Variants in PCDH15 observed in about 807,000 individuals in gnomAD.
The protein encoded by PCDH15 is protocadherin-15.
Under a neutral mutation model 178.5 loss-of-function variants are expected in PCDH15, and 129 were observed. The ratio of observed to expected loss-of-function variants is 0.72; its 90% CI spans 0.63 to 0.84. The LOEUF is 0.84. Among genes scored for constraint, PCDH15 ranks in the 40% least tolerant of loss-of-function variants. PCDH15 has a pLI of 0.00. For missense variants in PCDH15, 2,230 were observed against 2,099.9 expected (o/e 1.06, Z -1.21); for synonymous variants, 800 against 732.0 (o/e 1.09, Z -1.50).
At chr10:53,828,537 G>A (rs765361397) in intron 31 of PCDH15, 28 bp downstream of exon 31, 3 of 1,533,692 alleles carry the variant, frequency 2.0e-6, no homozygotes, top group Non-Finnish European at 2.7e-6. Context: ...TACATGAAAA[G>A]GATGTGTAAA....
chr10:54,553,073 C>A (rs1033293726), intron 2 of PCDH15, among the ~76,000 whole-genome samples: 2 of 152,132 alleles, frequency 1.3e-5, no homozygotes, highest in African/African-American at 4.8e-5. Context: ...GACCAGACTC[C>A]AAAGCTCCAT....
chr10:55,310,557 G>A (rs1437109764), intron 1 of PCDH15, among the ~76,000 whole-genome samples: 2 of 152,078 alleles, frequency 1.3e-5, no homozygotes, highest in South Asian at 2.1e-4. Flanking sequence ...AACACATACA[G>A]CATGTGTTAA....
chr10:54,818,880 C>T (rs949710121), intron 3 of PCDH15, among the ~76,000 whole-genome samples: 1 of 151,814 alleles, frequency 6.6e-6, no homozygotes, highest in African/African-American at 2.4e-5. Flanking sequence ...AATGAGGCAC[C>T]GATTTTTCTT....
chr10:54,237,794 T>C (rs968358823), intron 8 of PCDH15, among the ~76,000 whole-genome samples: 4 of 151,912 alleles, frequency 2.6e-5, no homozygotes, highest in Non-Finnish European at 5.9e-5. Flanking sequence ...AATAGGTATG[T>C]TGAAAAATAA....
rs188003241 is a variant in PCDH15, at chr10:54,754,098, G to A, written c.-29+46827C>T. On this transcript the variant is annotated intron_variant, in intron 1 of 37. Coordinates refer to ENST00000644397, the MANE Select transcript of PCDH15 (RefSeq NM_001384140.1). ...CCGTCTCATCCTCCCAAAGTGCTGG[G>A]ATTACAGGCGTGAGCCACCGCGCCC... Among the ~76,000 whole-genome samples the A allele has an allele frequency of 5.2e-3, 789 of 152,024 alleles. 3 individuals carry two copies. The highest frequency in any genetic ancestry group is 0.01 in the Middle Eastern group (3 of 294).
rs186137515 is a variant in PCDH15, at chr10:54,765,340, C to T, written c.-29+35585G>A. On this transcript the variant is annotated intron_variant, in intron 1 of 37. Transcript: ENST00000644397. ...TTGGGAAAATGGAATAAATTACATGCGCTATAATTCTCAAACCTGTTTAGT... is the reference window on the plus strand; with the variant it reads ...TTGGGAAAATGGAATAAATTACATGTGCTATAATTCTCAAACCTGTTTAGT... 2.2e-4 allele frequency among the ~76,000 whole-genome samples: 34 copies of T among 152,056 alleles called. No homozygotes were observed. The East Asian group carries it at 5.8e-3, about 26-fold the overall frequency.
chr10:54,971,175 T>C (rs950167626), intron 2 of PCDH15, among the ~76,000 whole-genome samples: 2 of 152,118 alleles, frequency 1.3e-5, no homozygotes, highest in Non-Finnish European at 2.9e-5. Context: ...AGTTTTAATG[T>C]TTGTGTCCCC....
rs573426735 is a variant in PCDH15 at position 54,046,238 on chromosome 10, G to C, written c.2220+20519C>G. Among the ~76,000 whole-genome samples, 4 of 152,262 alleles carry C rather than the reference G, an allele frequency of 2.6e-5. No homozygotes were observed. The East Asian group carries it at 7.7e-4, about 29-fold the overall frequency. ...ACTCTCATATACAACTCTTGGCATAGTTACTATGGAAAACAATTTCGCATT... is the reference window on the plus strand; with the variant it reads ...ACTCTCATATACAACTCTTGGCATACTTACTATGGAAAACAATTTCGCATT... On this transcript the variant is annotated intron_variant, in intron 18 of 37. Coordinates refer to ENST00000644397, the MANE Select transcript of PCDH15 (RefSeq NM_001384140.1).
chr10:54,907,395 A>T (rs887528205), intron 2 of PCDH15, among the ~76,000 whole-genome samples: 2 of 152,130 alleles, frequency 1.3e-5, no homozygotes, highest in South Asian at 4.1e-4. Context: ...ATACACTATA[A>T]ATCCCCCCTG....
intron 21 of PCDH15, among the ~76,000 whole-genome samples, chr10:53,967,445 A>G (rs992092991): frequency 2.6e-5 from 4 of 152,112 alleles, no homozygotes; most frequent in African/African-American, 9.7e-5. Flanking sequence ...ATTATTTTTA[A>G]TTATTTGTAG....
At chr10:53,847,332 G>A (rs1041664508) in intron 28 of PCDH15, among the ~76,000 whole-genome samples, 2 of 151,990 alleles carry the variant, frequency 1.3e-5, no homozygotes, top group Admixed American at 1.3e-4. Context: ...CACCCCAAGT[G>A]CTTATCAATA....
intron 3 of PCDH15, among the ~76,000 whole-genome samples, chr10:54,891,778 G>C (rs1954466370): frequency 6.6e-6 from 1 of 152,112 alleles, no homozygotes; most frequent in Non-Finnish European, 1.5e-5. Context: ...GGTATTTGTA[G>C]CAAGGACAGG....
chr10:54,036,013 A>G (rs1911394), intron 18 of PCDH15, among the ~76,000 whole-genome samples: 91,252 of 151,686 alleles, frequency 0.6, 30,028 homozygotes, highest in Middle Eastern at 0.76. Context: ...CTGGAGCAAG[A>G]CCTTAACTCT....
chr10:54,421,826 A>ATATATATACACACACAC (rs1565230685), intron 3 of PCDH15, among the ~76,000 whole-genome samples: 38 of 79,742 alleles, frequency 4.8e-4, no homozygotes, highest in African/African-American at 8.4e-4. Context: ...GTATATATAT[A>ATATATATACACACACAC]TATATATATA....
intron 2 of PCDH15, among the ~76,000 whole-genome samples, chr10:55,400,766 A>T (rs1838043019): frequency 6.6e-6 from 1 of 152,044 alleles, no homozygotes; most frequent in African/African-American, 2.4e-5. Flanking sequence ...TCTTTCATTT[A>T]GTCTTTCATA....
At chr10:53,984,515 A>C (rs2090961928) in intron 21 of PCDH15, among the ~76,000 whole-genome samples, 1 of 152,158 alleles carries the variant, frequency 6.6e-6, no homozygotes, top group Non-Finnish European at 1.5e-5. Flanking sequence ...GAACCATGAC[A>C]GTTTTCCCTT....
rs201746773 is a variant in PCDH15, at chr10:54,563,410, CT to C, written c.92-35534del. Among the ~76,000 whole-genome samples the C allele has an allele frequency of 7.6e-3, 1,158 of 152,188 alleles. 13 individuals are homozygous for C. Among genetic ancestry groups the C allele is most frequent in the African/African-American group, 0.024 (1,003 of 41,514 alleles). On this transcript the variant is annotated intron_variant, in intron 2 of 37. Transcript: ENST00000644397. ...ATGAGTAATTGCCTAAGTATCTGGACTTGCCGGGTATCACTGACAACAGGCC... is the reference window on the plus strand; with the variant it reads ...ATGAGTAATTGCCTAAGTATCTGGACTGCCGGGTATCACTGACAACAGGCC...
intron 3 of PCDH15, among the ~76,000 whole-genome samples, chr10:54,513,711 G>A (rs183123294): frequency 2.4e-4 from 36 of 152,184 alleles, no homozygotes; most frequent in African/African-American, 8.2e-4. Context: ...TAAATAGGCA[G>A]GTAAGTCTCA....
chr10:53,851,614 A>G (rs933310361), intron 28 of PCDH15, among the ~76,000 whole-genome samples: 7 of 146,104 alleles, frequency 4.8e-5, no homozygotes, highest in Admixed American at 4.2e-4. Context: ...AAAATGTGCT[A>G]GCAGTTAGCG....
Sources: allele counts gnomAD v4.1 joint callset (sites outside exome capture counted in the v4.1 genomes callset), GRCh38; gene constraint gnomAD v4.1.1; transcripts MANE v1.5; gene names NCBI Gene and HGNC (gene_info 2026-07-23, HGNC 2026-07-21).